The following CALB2 variants were observed in gnomAD, a reference collection of about 807,000 sequenced individuals.
CALB2 encodes the protein calbindin 2.
A neutral mutation model predicts 45.9 loss-of-function variants in CALB2; 34 were observed. The ratio of observed to expected loss-of-function variants is 0.74; its 90% CI spans 0.56 to 0.99. The LOEUF (loss-of-function observed/expected upper bound fraction) is 0.99, where lower values mean the gene tolerates loss of function less well. Among genes scored for constraint, CALB2 ranks in the 50% least tolerant of loss-of-function variants. CALB2 has a pLI of 0.00. For synonymous variants in CALB2, 142 were observed against 129.6 expected, an observed-to-expected ratio of 1.10 and a Z score of -0.65; for missense variants, 344 against 339.3, an observed-to-expected ratio of 1.01 and a Z score of -0.11.
At chr16:71,377,856 C>T (rs1459262423) in intron 4 of CALB2, 109 bp downstream of exon 4, 3 of 701,876 alleles carry the variant, frequency 4.3e-6, no homozygotes, top group South Asian at 3.6e-5. Flanking sequence ...AGATGCTAAA[C>T]CCCTTAGAGC....
intron 3 of CALB2, among the ~76,000 whole-genome samples, chr16:71,375,577 G>A (rs763235742): frequency 9.2e-5 from 14 of 152,194 alleles, no homozygotes; most frequent in Admixed American, 5.2e-4. Flanking sequence ...TGATGATGGT[G>A]GCACAGGCAT....
At chr16:71,386,367 AAG>A (rs560749868) in intron 10 of CALB2, among the ~76,000 whole-genome samples, 5 of 152,224 alleles carry the variant, frequency 3.3e-5, no homozygotes, top group Non-Finnish European at 5.9e-5. Flanking sequence ...TTTCCACACA[AAG>A]AGAGATTCTG....
rs140973874 is a variant in CALB2, at chr16:71,371,551, G to A, written c.95-602G>A. On this transcript the variant is annotated intron_variant, in intron 1 of 10. Transcript: ENST00000302628. Reference sequence around the variant, plus strand: ...CTAGTGGTTGCTGGCAGCCCACAGCGTTCCTTGGCTTGTACACACATCACA... The same window carrying A: ...CTAGTGGTTGCTGGCAGCCCACAGCATTCCTTGGCTTGTACACACATCACA... Among the ~76,000 whole-genome samples, 581 of 152,232 alleles carry A rather than the reference G, an allele frequency of 3.8e-3. 4 individuals are homozygous for A. Among genetic ancestry groups the A allele is most frequent in the Non-Finnish European group, 2.3e-3 (155 of 68,014 alleles).
At chr16:71,379,044 A>C (rs1209040317) in intron 4 of CALB2, among the ~76,000 whole-genome samples, 2 of 152,168 alleles carry the variant, frequency 1.3e-5, no homozygotes, top group Admixed American at 6.5e-5. Flanking sequence ...TGGGAGGCCA[A>C]GGCAGGTGGA....
chr16:71,384,059 GC>G, intron 7 of CALB2, 34 bp downstream of exon 7: 1 of 1,600,470 alleles, frequency 6.2e-7, no homozygotes, highest in Non-Finnish European at 8.6e-7. Context: ...ACTGATACTG[GC>G]TCCCACAGGT....
intron 4 of CALB2, among the ~76,000 whole-genome samples, chr16:71,378,251 A>G (rs2042441249): frequency 6.6e-6 from 1 of 151,956 alleles, no homozygotes; most frequent in South Asian, 2.1e-4. Context: ...AAAGGGAGAA[A>G]GGCCTGTAAT....
At chr16:71,366,617 C>T (rs1008412166) in intron 1 of CALB2, among the ~76,000 whole-genome samples, 2 of 152,142 alleles carry the variant, frequency 1.3e-5, no homozygotes, top group Non-Finnish European at 2.9e-5. Flanking sequence ...AGGCGTGAGC[C>T]ACCACACCTG....
In CALB2 at chr16:71,389,777, A is replaced by G; in HGVS notation, c.728A>G (p.Tyr243Cys). The G allele has an allele frequency of 6.2e-7, 1 of 1,613,916 alleles. No individual in the cohort carries two copies. Residue 243 changes from tyrosine (Y) to cysteine (C), a missense_variant, in exon 11 of 11, where the codon TAC (tyrosine) becomes TGC (cysteine). By Grantham distance (194) the Tyr-to-Cys change is radical (BLOSUM62 -2). This residue lies in a region of CALB2 where 263 missense variants were observed against 241.7 expected (regional missense o/e 1.09). Transcript: ENST00000302628. ...ATGAATATTCAACAGCTCACCAACTACAGAAAGAGCGTCATGTCCTTGGCA... is the reference window on the plus strand; with the variant it reads ...ATGAATATTCAACAGCTCACCAACTGCAGAAAGAGCGTCATGTCCTTGGCA... ...KEMNIQQLTN[Y>C]RKSVMSLAEA...
rs574421191 is a variant in CALB2 at position 71,380,910 on chromosome 16, T to C, written c.343-1809T>C. Among the ~76,000 whole-genome samples, 6 of 152,324 alleles carry C rather than the reference T, an allele frequency of 3.9e-5. No homozygotes were observed. The South Asian group carries it at 8.3e-4, about 21-fold the overall frequency. Reference sequence around the variant, plus strand: ...CACAAAGCCCAGGTCTCTTGAACTCTTTTCCTTGAATGAGAAGAGAAAGGA... The same window carrying C: ...CACAAAGCCCAGGTCTCTTGAACTCCTTTCCTTGAATGAGAAGAGAAAGGA... On this transcript the variant is annotated intron_variant, in intron 4 of 10. Coordinates refer to ENST00000302628, the MANE Select transcript of CALB2 (RefSeq NM_001740.5).
At chr16:71,383,275 CAT>C (rs1031732272) in intron 5 of CALB2, 90 bp from the exon 6 acceptor site, 1 of 1,114,842 alleles carries the variant, frequency 9.0e-7, no homozygotes, top group African/African-American at 1.5e-5. Context: ...CACACACACA[CAT>C]TGAGAGACTG....
At position 71,375,918 on chromosome 16, in the gene CALB2, C is replaced by T. The variant is rs146445730; in HGVS notation, c.261+1084C>T. ...GAGGGGACCTGTGGAACTTCCCCAG[C>T]GGGGCAGCTCTGGTCTGGCTGAGGG... is the stretch of plus-strand genomic sequence containing the variant. On this transcript the variant is annotated intron_variant, in intron 3 of 10. Transcript: ENST00000302628. Among the ~76,000 whole-genome samples, 242 of 152,250 alleles carry T rather than the reference C, an allele frequency of 1.6e-3. 2 individuals carry two copies. Among genetic ancestry groups the T allele is most frequent in the Middle Eastern group, 6.8e-3 (2 of 294 alleles).
intron 10 of CALB2, among the ~76,000 whole-genome samples, chr16:71,386,475 T>C (rs1303750971): frequency 6.6e-6 from 1 of 151,884 alleles, no homozygotes; most frequent in Non-Finnish European, 1.5e-5. Context: ...CACTGAAGAG[T>C]TTGTTCCTCT....
chr16:71,372,210 C>T lies in CALB2; in HGVS notation c.152C>T (p.Ala51Val), dbSNP rs1414929998. The T allele has an allele frequency of 1.2e-6, 2 of 1,612,568 alleles. No individual in the cohort carries two copies. The highest frequency in any genetic ancestry group is 1.7e-6 in the Non-Finnish European group (2 of 1,179,074). The part of the protein sequence containing the change: ...LENFFQELEK[A>V]RKGSGMMSKS... ...AACTTTTTCCAAGAGCTGGAGAAGG[C>T]AAGGAAAGGCTCTGGCATGGTAAGC... The change falls in exon 2 of 11, where the codon GCA (alanine) becomes GTA (valine). Residue 51 changes from alanine (A) to valine (V), a missense_variant. By Grantham distance (64) the Ala-to-Val change is moderately conservative. Around this residue, in one of 3 missense-constraint regions of CALB2, gnomAD observed 77 missense variants for 80.5 expected, o/e 0.96. Coordinates refer to ENST00000302628, the MANE Select transcript of CALB2 (RefSeq NM_001740.5).
At position 71,388,277 on chromosome 16, in the gene CALB2, T is replaced by A. The variant is rs560595879; in HGVS notation, c.700-1472T>A. 2.8e-5 allele frequency among the ~76,000 whole-genome samples: 4 copies of A among 142,096 alleles called. No homozygotes were observed. The East Asian group carries it at 8.2e-4, about 29-fold the overall frequency. 93.2% of individuals were successfully genotyped at this position (142,096 alleles called of 152,430 possible). A position where few individuals can be genotyped will look rare whatever the true frequency, so the allele number is the denominator to read the frequency against. On this transcript the variant is annotated intron_variant, in intron 10 of 10. Transcript: ENST00000302628. Reference sequence around the variant, plus strand: ...TGAGCCCAGGAGGTCAAGGGTGCAGTGAGCTGTGATCACGCCATTGCATTC... The same window carrying A: ...TGAGCCCAGGAGGTCAAGGGTGCAGAGAGCTGTGATCACGCCATTGCATTC...
At chr16:71,361,567 G>C (rs912470662) in intron 1 of CALB2, among the ~76,000 whole-genome samples, 1 of 152,178 alleles carries the variant, frequency 6.6e-6, no homozygotes, top group African/African-American at 2.4e-5. Context: ...TCCCTGGAGT[G>C]GGCTCGCTGG....
At chr16:71,373,520 C>T (rs1375771260) in intron 2 of CALB2, among the ~76,000 whole-genome samples, 1 of 152,228 alleles carries the variant, frequency 6.6e-6, no homozygotes, top group Non-Finnish European at 1.5e-5. Context: ...ATCTAGAATC[C>T]TTCTCTTAGT....
chr16:71,374,878 T>C, intron 3 of CALB2, 44 bp downstream of exon 3: 2 of 1,296,458 alleles, frequency 1.5e-6, no homozygotes, highest in Non-Finnish European at 2.2e-6. Context: ...GGAGGGGCCC[T>C]GGGTCCCTGT....
chr16:71,364,427 G>A lies in CALB2; in HGVS notation c.94+5541G>A, dbSNP rs868228596. Among the ~76,000 whole-genome samples the A allele has an allele frequency of 2.0e-5, 3 of 152,296 alleles. No homozygotes were observed. The South Asian group carries it at 6.2e-4, about 32-fold the overall frequency. On this transcript the variant is annotated intron_variant, in intron 1 of 10. Transcript: ENST00000302628. ...AGGGAAATCAATTCCAAAACCAAAG[G>A]AGCTAGAATTAATAGAGCAGGCCTG...
At chr16:71,372,669 T>C (rs1285176530) in intron 2 of CALB2, among the ~76,000 whole-genome samples, 4 of 152,164 alleles carry the variant, frequency 2.6e-5, no homozygotes, top group Non-Finnish European at 4.4e-5. Context: ...GAATAATTTG[T>C]TGCAGGGGCT....
Sources: gnomAD v4.1 joint callset for allele counts (sites outside exome capture counted in the v4.1 genomes callset) on GRCh38, gnomAD v4.1.1 for gene constraint, gnomAD v4.1.1 regional missense constraint, MANE v1.5 for transcripts, NCBI Gene and HGNC (gene_info 2026-07-23, HGNC 2026-07-21) for gene names.